The following SERGEF variants were observed in gnomAD, a reference collection of about 807,000 sequenced individuals.
SERGEF encodes the protein secretion regulating guanine nucleotide exchange factor.
A neutral mutation model predicts 50.0 loss-of-function variants in SERGEF; 51 were observed. The ratio of observed to expected loss-of-function variants is 1.02; its 90% CI spans 0.81 to 1.29. SERGEF has a LOEUF of 1.29. Ranked by LOEUF, SERGEF falls within the 50% of genes most tolerant of loss-of-function variation. The pLI is 0.00. For synonymous variants in SERGEF, 205 were observed against 212.4 expected (o/e 0.97, Z 0.30); for missense variants, 521 against 557.0 (o/e 0.94, Z 0.65).
intron 10 of SERGEF, among the ~76,000 whole-genome samples, chr11:17,847,673 G>A (rs751222715): frequency 1.3e-5 from 2 of 152,208 alleles, no homozygotes; most frequent in Non-Finnish European, 2.9e-5. Context: ...CTCATAGCAG[G>A]GGGAGCAAGG....
In SERGEF at chr11:17,947,700, C is replaced by T. The variant is rs144690573; in HGVS notation, c.1011+11770G>A. Among the ~76,000 whole-genome samples the T allele has an allele frequency of 6.0e-3, 914 of 152,344 alleles. 14 individuals carry two copies. The highest frequency in any genetic ancestry group is 0.02 in the African/African-American group (850 of 41,584). ...AGTCACCTGTATGTCCTCTAGTCCA[C>T]ACTGCTGCCACTATGTTAGCTCTGG... On this transcript the variant is annotated intron_variant, in intron 9 of 10. Transcript: ENST00000265965.
intron 10 of SERGEF, among the ~76,000 whole-genome samples, chr11:17,794,231 C>A (rs569857067): frequency 6.6e-6 from 1 of 152,298 alleles, no homozygotes; most frequent in African/African-American, 2.4e-5. Context: ...TGGGACTTTT[C>A]CTTAAAAGAC....
chr11:17,882,427 A>G lies in SERGEF; in HGVS notation c.1012-4183T>C, dbSNP rs146717095. On this transcript the variant is annotated intron_variant, in intron 9 of 10. Coordinates refer to ENST00000265965, the MANE Select transcript of SERGEF (RefSeq NM_012139.4). ...GAGCAAGAGTCAGTCTCAAAAAAAA[A>G]AAAAAAAAAGAAAAAAAAAGACTGT... is the stretch of plus-strand genomic sequence containing the variant. Among the ~76,000 whole-genome samples, 60 of 151,530 alleles carry G rather than the reference A, an allele frequency of 4.0e-4. 1 individual carries two copies. Among genetic ancestry groups the G allele is most frequent in the African/African-American group, 1.4e-3 (57 of 41,326 alleles).
intron 9 of SERGEF, among the ~76,000 whole-genome samples, chr11:17,938,379 C>T (rs1357009311): frequency 6.6e-6 from 1 of 152,178 alleles, no homozygotes; most frequent in African/African-American, 2.4e-5. Context: ...TCCCTGCAAG[C>T]ACCTAAAGTT....
chr11:17,928,409 AAGC>A (rs1852289558), intron 9 of SERGEF, among the ~76,000 whole-genome samples: 2 of 152,236 alleles, frequency 1.3e-5, no homozygotes, highest in Admixed American at 6.5e-5. Context: ...AAAAAGGGAG[AAGC>A]AGAGTGGAAC....
intron 8 of SERGEF, among the ~76,000 whole-genome samples, chr11:17,963,322 C>T (rs1219396952): frequency 2.1e-5 from 3 of 143,108 alleles, no homozygotes; most frequent in Non-Finnish European, 4.5e-5. Context: ...TGGATCTCAC[C>T]CTCCAGACCA....
chr11:17,822,159 G>A (rs1449691753), intron 10 of SERGEF, among the ~76,000 whole-genome samples: 1 of 152,156 alleles, frequency 6.6e-6, no homozygotes, highest in Non-Finnish European at 1.5e-5. Flanking sequence ...TCTGGGACTT[G>A]AGCAAGCAAC....
chr11:17,838,427 T>TTTCTC (rs1325031450), intron 10 of SERGEF, among the ~76,000 whole-genome samples: 1 of 152,062 alleles, frequency 6.6e-6, no homozygotes, highest in Non-Finnish European at 1.5e-5. Context: ...CCAAATGTAT[T>TTTCTC]TAGTGGGGTG....
intron 9 of SERGEF, among the ~76,000 whole-genome samples, chr11:17,893,340 C>T (rs1427744310): frequency 6.6e-6 from 1 of 152,200 alleles, no homozygotes; most frequent in East Asian, 1.9e-4. Context: ...TTTGCTTCTT[C>T]ATTGTAAAAT....
intron 10 of SERGEF, among the ~76,000 whole-genome samples, chr11:17,821,253 C>T (rs1850077338): frequency 6.6e-6 from 1 of 152,200 alleles, no homozygotes; most frequent in African/African-American, 2.4e-5. Flanking sequence ...AAATTCCTAT[C>T]ATAAACCACA....
chr11:17,955,603 A>G (rs545960708), intron 9 of SERGEF, among the ~76,000 whole-genome samples: 1 of 152,360 alleles, frequency 6.6e-6, no homozygotes, highest in South Asian at 2.1e-4. Context: ...GATGACAGTC[A>G]AAGCTGAACT....
At chr11:17,998,432 CATACATACATATATATATATATAT>C (rs1262631333) in intron 5 of SERGEF, among the ~76,000 whole-genome samples, 3 of 55,886 alleles carry the variant, frequency 5.4e-5, no homozygotes, top group African/African-American at 4.3e-4. Context: ...TACATACATA[CATACATACATATATATATATATAT>C]ATATATATAT....
At chr11:17,811,237 C>G (rs2133835215) in intron 10 of SERGEF, among the ~76,000 whole-genome samples, 1 of 152,300 alleles carries the variant, frequency 6.6e-6, no homozygotes, top group Middle Eastern at 3.4e-3. Flanking sequence ...GGGTTACAGC[C>G]AGGACACAGT....
At chr11:18,007,854 C>A in intron 2 of SERGEF, 87 bp downstream of exon 2, 1 of 1,337,142 alleles carries the variant, frequency 7.5e-7, no homozygotes, top group Non-Finnish European at 1.0e-6. Flanking sequence ...CTGCAAAATA[C>A]AAAAGGCTGA....
intron 10 of SERGEF, among the ~76,000 whole-genome samples, chr11:17,823,979 G>A (rs979957072): frequency 4.6e-5 from 7 of 152,162 alleles, no homozygotes; most frequent in East Asian, 1.9e-4. Flanking sequence ...GACATTGCTT[G>A]GTACCACTTC....
intron 10 of SERGEF, among the ~76,000 whole-genome samples, chr11:17,796,245 A>G (rs377365233): frequency 2.0e-5 from 3 of 152,336 alleles, no homozygotes; most frequent in African/African-American, 7.2e-5. Context: ...CCAGGAGGCC[A>G]TGCAGAGAAT....
chr11:17,975,701 C>A (rs577498350), intron 8 of SERGEF, among the ~76,000 whole-genome samples: 22 of 152,062 alleles, frequency 1.4e-4, no homozygotes, highest in African/African-American at 4.8e-4. Context: ...AGGGTCTCTC[C>A]TTTCAATGTT....
At chr11:17,898,727 A>G (rs557059415) in intron 9 of SERGEF, among the ~76,000 whole-genome samples, 2 of 152,340 alleles carry the variant, frequency 1.3e-5, no homozygotes, top group East Asian at 3.9e-4. Context: ...AATTCTCTCT[A>G]AATGTGTTAG....
At position 17,956,059 on chromosome 11, in the gene SERGEF, G is replaced by A. The variant is rs951159704; in HGVS notation, c.1011+3411C>T. Among the ~76,000 whole-genome samples the A allele has an allele frequency of 2.6e-5, 4 of 152,340 alleles. No homozygotes were observed. In the East Asian group the frequency reaches 5.8e-4, roughly 22 times the overall value. ...CTACCCACCCTGGAATTTTCCAGGA[G>A]TGCCTAGAGAGGCCCAGTATCTAAG... On this transcript the variant is annotated intron_variant, in intron 9 of 10. Coordinates refer to ENST00000265965, the MANE Select transcript of SERGEF (RefSeq NM_012139.4).
Sources: gnomAD v4.1 joint callset for allele counts (sites outside exome capture counted in the v4.1 genomes callset) on GRCh38, gnomAD v4.1.1 for gene constraint, MANE v1.5 for transcripts, NCBI Gene and HGNC (gene_info 2026-07-23, HGNC 2026-07-21) for gene names.